TRMT44: variants seen among roughly 807,000 people sequenced by gnomAD.
TRMT44 encodes probable tRNA (uracil-O(2)-)-methyltransferase.
A neutral mutation model predicts 77.3 loss-of-function variants in TRMT44; 78 were observed. The ratio of observed to expected loss-of-function variants is 1.01; its 90% confidence interval spans 0.84 to 1.22. TRMT44 has a LOEUF of 1.22. TRMT44 is among the 50% of genes most tolerant of loss of function. The pLI is 0.00. For synonymous variants in TRMT44, 391 were observed against 383.3 expected (o/e 1.02, Z -0.23); for missense variants, 1,090 against 964.4 (o/e 1.13, Z -1.73).
At chr4:8,455,398 A>G (rs1287946272) in intron 6 of TRMT44, among the ~76,000 whole-genome samples, 1 of 152,226 alleles carries the variant, frequency 6.6e-6, no homozygotes, top group Non-Finnish European at 1.5e-5. Flanking sequence ...CGGAAGCGAG[A>G]TGCCCCCTGG....
intron 9 of TRMT44, among the ~76,000 whole-genome samples, chr4:8,470,573 C>CCAT (rs1726912172): frequency 6.6e-6 from 1 of 152,196 alleles, no homozygotes; most frequent in African/African-American, 2.4e-5. Context: ...GGGAAAGAGA[C>CCAT]CATCACTGTG....
chr4:8,445,182 G>C (rs1322205520), intron 1 of TRMT44, among the ~76,000 whole-genome samples: 1 of 152,208 alleles, frequency 6.6e-6, no homozygotes, highest in African/African-American at 2.4e-5. Flanking sequence ...TGTATAAATA[G>C]GGTCTTACTA....
intron 2 of TRMT44, among the ~76,000 whole-genome samples, chr4:8,492,078 G>C (rs573978231): frequency 1.3e-5 from 2 of 152,334 alleles, no homozygotes; most frequent in African/African-American, 4.8e-5. Context: ...AACCCCTTGG[G>C]CAGATACAAA....
chr4:8,499,676 C>T, the TRMT44 span, among the ~76,000 whole-genome samples: 1 of 151,996 alleles, frequency 6.6e-6, no homozygotes, highest in South Asian at 2.1e-4. Context: ...AACTAAATAC[C>T]GTGTGTTCTC....
chr4:8,451,753 A>G lies in TRMT44; in HGVS notation c.955-207A>G, dbSNP rs556492272. On this transcript the variant is annotated intron_variant, in intron 3 of 10. Transcript: ENST00000389737. The surrounding 1 kb of genome is among the most constrained non-coding windows in gnomAD (Gnocchi z 4.1). ...TGTTGATTGTGAAATCTTGCTTTGG[A>G]TTGGATTGTTCTTGGCATGCCTTGT... Among the ~76,000 whole-genome samples the G allele has an allele frequency of 1.3e-5, 2 of 152,268 alleles. No homozygotes were observed. The highest frequency in any genetic ancestry group is 4.8e-5 in the African/African-American group (2 of 41,546).
rs565679931 is a variant in TRMT44, at chr4:8,441,710, A to G, written c.619+269A>G. On this transcript the variant is annotated intron_variant, in intron 1 of 10. Coordinates refer to ENST00000389737, the MANE Select transcript of TRMT44 (RefSeq NM_152544.3). ...CGTAATACCTAGGAGTTTAGCAGGT[A>G]AAGCTGTAGGTGTAAAAGTGTTGGG... Among the ~76,000 whole-genome samples, 5 of 152,308 alleles carry G rather than the reference A, an allele frequency of 3.3e-5. No homozygotes were observed. In the East Asian group the frequency reaches 9.7e-4, roughly 29 times the overall value.
At chr4:8,484,930 A>G (rs1298433645) in intron 2 of TRMT44, among the ~76,000 whole-genome samples, 1 of 152,200 alleles carries the variant, frequency 6.6e-6, no homozygotes, top group African/African-American at 2.4e-5. Context: ...TAGGTAACAG[A>G]TGGAGAAGAA....
At chr4:8,508,044 T>A in the TRMT44 span, among the ~76,000 whole-genome samples, 1 of 152,188 alleles carries the variant, frequency 6.6e-6, no homozygotes, top group African/African-American at 2.4e-5. Context: ...GTAGCTGAGA[T>A]TACAGGTGCC....
intron 9 of TRMT44, among the ~76,000 whole-genome samples, chr4:8,469,102 G>A (rs1726803097): frequency 2.0e-5 from 3 of 152,200 alleles, no homozygotes; most frequent in African/African-American, 4.8e-5. Flanking sequence ...CCTCACCTAT[G>A]AATGTTGGGA....
At chr4:8,483,696 C>A (rs139966070) in intron 2 of TRMT44, among the ~76,000 whole-genome samples, 3,467 of 152,182 alleles carry the variant, frequency 0.023, 73 homozygotes, top group African/African-American at 0.054. Flanking sequence ...ATACTAAGAG[C>A]CTGAAAAACT....
intron 8 of TRMT44, among the ~76,000 whole-genome samples, chr4:8,466,032 C>T (rs1192207546): frequency 6.6e-6 from 1 of 152,226 alleles, no homozygotes; most frequent in East Asian, 1.9e-4. Flanking sequence ...GGCCCGGGGG[C>T]TTTCTGTAAG....
chr4:8,491,609 C>T (rs936142222), intron 2 of TRMT44, among the ~76,000 whole-genome samples: 3 of 152,202 alleles, frequency 2.0e-5, no homozygotes, highest in African/African-American at 7.2e-5. Flanking sequence ...GGTGGGCCGG[C>T]ACTGCTGGGG....
Position 8,465,410 on chromosome 4 carries a change from C to T in TRMT44, c.1343C>T (p.Pro448Leu), listed in dbSNP as rs1176129918. The T allele has an allele frequency of 1.9e-6, 3 of 1,613,644 alleles. No homozygotes were observed. The highest frequency in any genetic ancestry group is 2.2e-5 in the East Asian group (1 of 44,876). Residue 448 changes from proline to leucine, a missense_variant, in exon 8 of 11, where the codon CCC becomes CTC. By Grantham distance (98) the Pro-to-Leu change is moderately conservative. Coordinates refer to ENST00000389737, the MANE Select transcript of TRMT44 (RefSeq NM_152544.3). ...SSYNCRFFVL[P>L]CCFFDFIGRY... Reference sequence around the variant, plus strand: ...TACAATTGCCGCTTCTTTGTCCTCCCCTGCTGCTTCTTTGACTTCATTGGA... The same window carrying T: ...TACAATTGCCGCTTCTTTGTCCTCCTCTGCTGCTTCTTTGACTTCATTGGA...
chr4:8,494,606 G>A (rs1205472615), downstream of TRMT44, among the ~76,000 whole-genome samples: 10 of 152,172 alleles, frequency 6.6e-5, no homozygotes, highest in Non-Finnish European at 1.5e-4. Flanking sequence ...TCTTACATAT[G>A]TTGATTGATG....
At position 8,474,028 on chromosome 4, in the gene TRMT44, C is replaced by T. The variant is rs569185155; in HGVS notation, c.2045-1744C>T. On this transcript the variant is annotated intron_variant, in intron 10 of 10. Coordinates refer to ENST00000389737, the MANE Select transcript of TRMT44 (RefSeq NM_152544.3). The stretch of plus-strand genomic sequence containing the variant: ...ACATGGTTGGGTGTGCTCTTAACTC[C>T]GGAGCCGCGTGGGAGGGCCTGCCGC... Among the ~76,000 whole-genome samples, 135 of 152,326 alleles carry T rather than the reference C, an allele frequency of 8.9e-4. 1 individual carries two copies. Among genetic ancestry groups the T allele is most frequent in the Non-Finnish European group, 1.5e-3 (103 of 68,030 alleles).
At chr4:8,490,538 C>T (rs543549143) in intron 2 of TRMT44, among the ~76,000 whole-genome samples, 9 of 151,908 alleles carry the variant, frequency 5.9e-5, no homozygotes, top group Admixed American at 3.9e-4. Context: ...CGCAGACCTT[C>T]GCGGTGAGTG....
intron 2 of TRMT44, among the ~76,000 whole-genome samples, chr4:8,447,008 G>C (rs935476567): frequency 2.6e-5 from 4 of 152,092 alleles, no homozygotes; most frequent in Non-Finnish European, 5.9e-5. Flanking sequence ...GCCTCAGTCT[G>C]CACAGTACAG....
chr4:8,501,964 C>A, the TRMT44 span, among the ~76,000 whole-genome samples: 1 of 152,232 alleles, frequency 6.6e-6, no homozygotes, highest in Admixed American at 6.5e-5. This position sits in a 1 kb window ranked among gnomAD's most constrained non-coding sequence, Gnocchi z 4.4. Context: ...CGCCTCTTCC[C>A]GGGTCCCTGG....
downstream of TRMT44, chr4:8,478,427 A>G (rs1398818682): frequency 2.0e-5 from 3 of 152,698 alleles, no homozygotes; most frequent in Non-Finnish European, 4.4e-5. Context: ...TGGTAGAAAC[A>G]GCCCTTGGGG....
Sources: gnomAD v4.1 joint callset for allele counts (sites outside exome capture counted in the v4.1 genomes callset) on GRCh38, gnomAD v4.1.1 for gene constraint, Gnocchi (gnomAD v3.1) non-coding constraint, MANE v1.5 for transcripts, NCBI Gene and HGNC (gene_info 2026-07-23, HGNC 2026-07-21) for gene names.